Variants in SLC44A5 observed in about 807,000 individuals in gnomAD.
SLC44A5 encodes the protein solute carrier family 44 member 5.
A neutral mutation model predicts 101.8 loss-of-function variants in SLC44A5; 57 were observed. The ratio of observed to expected loss-of-function variants is 0.56; its 90% CI spans 0.45 to 0.70. SLC44A5 has a LOEUF of 0.70. Among genes scored for constraint, SLC44A5 ranks in the 30% least tolerant of loss-of-function variants. The pLI, the probability that SLC44A5 is intolerant of heterozygous loss-of-function variation, is 0.00. For synonymous variants in SLC44A5, 281 were observed against 290.9 expected, an observed-to-expected ratio of 0.97 and a Z score of 0.35; for missense variants, 737 against 853.1, an observed-to-expected ratio of 0.86 and a Z score of 1.70.
chr1:75,418,249 T>G (rs1450619651), intron 2 of SLC44A5, among the ~76,000 whole-genome samples: 1 of 152,192 alleles, frequency 6.6e-6, no homozygotes, highest in Non-Finnish European at 1.5e-5. Context: ...AGACATTTGT[T>G]GAATGTCTAC....
At chr1:75,538,644 C>A (rs929885953) in intron 2 of SLC44A5, among the ~76,000 whole-genome samples, 18 of 152,178 alleles carry the variant, frequency 1.2e-4, no homozygotes, top group Non-Finnish European at 4.4e-5. Context: ...CGAATTGAGG[C>A]ACTCCAATTT....
chr1:75,712,713 A>AAAAAAAAAC, the SLC44A5 span, among the ~76,000 whole-genome samples: 2 of 110,648 alleles, frequency 1.8e-5, no homozygotes, highest in South Asian at 3.1e-4. Flanking sequence ...AAAAAAAAAA[A>AAAAAAAAAC]ATGGAAAAGA....
chr1:75,517,500 G>T (rs189823730), intron 2 of SLC44A5, among the ~76,000 whole-genome samples: 41 of 152,032 alleles, frequency 2.7e-4, no homozygotes, highest in African/African-American at 7.5e-4. Flanking sequence ...AAACAAAAGC[G>T]GGAAAGCAAA....
chr1:75,711,463 G>T, the SLC44A5 span, among the ~76,000 whole-genome samples: 1 of 152,160 alleles, frequency 6.6e-6, no homozygotes, highest in African/African-American at 2.4e-5. Flanking sequence ...GTTTTATTCA[G>T]AAATCTTACT....
At chr1:75,545,118 C>T (rs139058497) in intron 1 of SLC44A5, among the ~76,000 whole-genome samples, 16 of 152,040 alleles carry the variant, frequency 1.1e-4, no homozygotes, top group African/African-American at 1.9e-4. Context: ...TTTGGTTTTC[C>T]GTTCTTGTGA....
chr1:75,641,369 A>C, the SLC44A5 span: 1 of 810,422 alleles, frequency 1.2e-6, no homozygotes, highest in African/African-American at 1.7e-5. Context: ...GTCTCCGGGC[A>C]TAAACTCTTC....
intron 2 of SLC44A5, among the ~76,000 whole-genome samples, chr1:75,482,306 A>G (rs773419095): frequency 5.9e-5 from 9 of 152,068 alleles, no homozygotes; most frequent in Non-Finnish European, 1.0e-4. Context: ...GCATTAGGAG[A>G]TATACCTAAT....
the SLC44A5 span, among the ~76,000 whole-genome samples, chr1:75,644,855 C>A: frequency 7.7e-6 from 1 of 129,168 alleles, no homozygotes; most frequent in Admixed American, 1.0e-4. Flanking sequence ...TGTTATTGTT[C>A]AATTCCCACC....
chr1:75,645,677 G>A, the SLC44A5 span, among the ~76,000 whole-genome samples: 86 of 148,172 alleles, frequency 5.8e-4, no homozygotes, highest in African/African-American at 1.9e-3. Context: ...ATTGCTGTTG[G>A]TGTTTTAGAC....
intron 5 of SLC44A5, among the ~76,000 whole-genome samples, chr1:75,279,714 T>C (rs978702522): frequency 6.6e-6 from 1 of 152,026 alleles, no homozygotes; most frequent in African/African-American, 2.4e-5. Flanking sequence ...AGTTTCCTTT[T>C]TTTACAACTT....
chr1:75,217,090 G>A (rs959294382), intron 18 of SLC44A5, among the ~76,000 whole-genome samples: 2 of 152,050 alleles, frequency 1.3e-5, no homozygotes, highest in South Asian at 2.1e-4. Context: ...TTGTGCTTTT[G>A]TTTAGGTCTT....
At chr1:75,642,057 G>A in the SLC44A5 span, 1 of 1,334,844 alleles carries the variant, frequency 7.5e-7, no homozygotes, top group Non-Finnish European at 1.1e-6. Context: ...GTGTCTTCTG[G>A]TCCAATGAAG....
intron 2 of SLC44A5, among the ~76,000 whole-genome samples, chr1:75,479,867 T>C (rs1667716047): frequency 6.6e-6 from 1 of 151,960 alleles, no homozygotes; most frequent in Non-Finnish European, 1.5e-5. Context: ...TTCCAATCAA[T>C]AGAAAAAGAG....
chr1:75,228,771 C>T (rs1647306762), intron 12 of SLC44A5, among the ~76,000 whole-genome samples: 1 of 151,290 alleles, frequency 6.6e-6, no homozygotes, highest in Non-Finnish European at 1.5e-5. Context: ...TTTAATAAGC[C>T]TAGAGTCAAT....
chr1:75,459,554 T>C (rs994617074), intron 2 of SLC44A5, among the ~76,000 whole-genome samples: 41 of 152,170 alleles, frequency 2.7e-4, no homozygotes, highest in Non-Finnish European at 7.3e-5. Flanking sequence ...TGGTAATTAT[T>C]ATCACCCTCC....
chr1:75,227,323 C>T (rs940679065), intron 13 of SLC44A5, among the ~76,000 whole-genome samples: 1 of 152,072 alleles, frequency 6.6e-6, no homozygotes, highest in Non-Finnish European at 1.5e-5. Flanking sequence ...CATGATTGTG[C>T]CACTGCACTC....
At chr1:75,303,193 A>G (rs1451598373) in intron 4 of SLC44A5, among the ~76,000 whole-genome samples, 1 of 152,184 alleles carries the variant, frequency 6.6e-6, no homozygotes, top group Non-Finnish European at 1.5e-5. Context: ...AGAACAGAGC[A>G]CAAGGACAGA....
chr1:75,232,582 G>C (rs566508905), intron 12 of SLC44A5, among the ~76,000 whole-genome samples: 3 of 152,210 alleles, frequency 2.0e-5, no homozygotes, highest in African/African-American at 7.2e-5. Context: ...TACAGCAGGA[G>C]CAGATAGGGA....
chr1:75,650,043 G>A, the SLC44A5 span, among the ~76,000 whole-genome samples: 1 of 152,036 alleles, frequency 6.6e-6, no homozygotes, highest in Non-Finnish European at 1.5e-5. Context: ...ATATTGCCTT[G>A]TGTATTCTCT....
Sources: gnomAD v4.1 joint callset for allele counts (sites outside exome capture counted in the v4.1 genomes callset) on GRCh38, gnomAD v4.1.1 for gene constraint, MANE v1.5 for transcripts, NCBI Gene and HGNC (gene_info 2026-07-23, HGNC 2026-07-21) for gene names.